ERMARD: variants seen among roughly 807,000 people sequenced by gnomAD.
The protein encoded by ERMARD is ER membrane associated RNA degradation.
ERMARD carries 71 observed loss-of-function variants against 83.9 expected under a neutral mutation model. That is an observed-to-expected ratio of 0.85 (90% confidence interval 0.70 to 1.03). The LOEUF (loss-of-function observed/expected upper bound fraction) is 1.03. Ranked by LOEUF, ERMARD falls within the 50% of genes least tolerant of loss-of-function variation. The probability of loss-of-function intolerance (pLI) is 0.00; values close to 1 mark genes in which losing one functional copy is unlikely to be tolerated. For synonymous variants in ERMARD, 284 were observed against 298.6 expected, an observed-to-expected ratio of 0.95 and a Z score of 0.50; for missense variants, 838 against 810.9, an observed-to-expected ratio of 1.03 and a Z score of -0.41.
Position 169,779,291 on chromosome 6 carries a change from C to T in ERMARD, c.1849C>T (p.Leu617=). The change falls in exon 17 of 18, where the codon CTA becomes TTA. Residue 617 remains leucine (L), a synonymous_variant. Transcript: ENST00000366773. ...GAATGCGCATGAGTATCAGCAGTAC[C>T]TAAAGTAAGTGTGTCACAGTATGTC... The part of the protein sequence containing the change: ...GKNAHEYQQY[L]KFVKSILQYT... 1.2e-6 allele frequency: 2 copies of T among 1,613,692 alleles called. No homozygotes were observed. Among genetic ancestry groups the T allele is most frequent in the Non-Finnish European group, 8.5e-7 (1 of 1,179,598 alleles).
At chr6:169,753,069 CAGG>C (rs1216183437) in intron 1 of ERMARD, 1 of 152,206 alleles carries the variant, frequency 6.6e-6, no homozygotes, top group African/African-American at 2.4e-5. Context: ...TGACAGGACA[CAGG>C]AGAGCAGTTT....
intron 2 of ERMARD, among the ~76,000 whole-genome samples, chr6:169,754,943 T>TA (rs563738801): frequency 1.3e-4 from 19 of 150,556 alleles, no homozygotes; most frequent in African/African-American, 2.7e-4. Context: ...CTGGTTTAAT[T>TA]AAAAAAAAAA....
At chr6:169,755,537 A>G in intron 3 of ERMARD, 115 bp downstream of exon 3, 2 of 1,357,614 alleles carry the variant, frequency 1.5e-6, no homozygotes, top group Non-Finnish European at 2.0e-6. Flanking sequence ...CCAGCGGTGA[A>G]GTGTTGAGGG....
intron 17 of ERMARD, among the ~76,000 whole-genome samples, chr6:169,779,818 T>A (rs1215773214): frequency 6.6e-6 from 1 of 152,176 alleles, no homozygotes; most frequent in Non-Finnish European, 1.5e-5. Context: ...ATTCGGGAAG[T>A]CCACTTTTAG....
intron 17 of ERMARD, among the ~76,000 whole-genome samples, chr6:169,781,004 A>G (rs1419030448): frequency 6.6e-6 from 1 of 152,144 alleles, no homozygotes; most frequent in East Asian, 1.9e-4. Context: ...TGTTTATTAT[A>G]TTATGTGTCA....
At chr6:169,753,739 C>G in intron 1 of ERMARD, 125 bp from the exon 2 acceptor site, 2 of 592,416 alleles carry the variant, frequency 3.4e-6, no homozygotes, top group Non-Finnish European at 5.4e-6. Context: ...CTCACGATAT[C>G]CAGAAAGCAT....
intron 9 of ERMARD, among the ~76,000 whole-genome samples, chr6:169,764,386 C>G (rs1238690464): frequency 1.3e-5 from 2 of 151,790 alleles, no homozygotes; most frequent in Non-Finnish European, 2.9e-5. Flanking sequence ...ACCTCCGCCC[C>G]CCGAGTAACT....
chr6:169,768,157 G>A lies in ERMARD; in HGVS notation c.1045G>A (p.Gly349Arg). The A allele has an allele frequency of 6.2e-7, 1 of 1,613,946 alleles. No individual in the cohort carries two copies. The highest frequency in any genetic ancestry group is 8.5e-7 in the Non-Finnish European group (1 of 1,179,906). ...AATCAATCAGCTTCCTCTTTTCCTT[G>A]GAGAGCCTGCTATGGTAAGTATTAG... ...GKINQLPLFLGEPAMEFLWDF... is the reference protein window; with the variant it reads ...GKINQLPLFLREPAMEFLWDF... Residue 349 changes from glycine to arginine, a missense_variant, in exon 11 of 18, where the codon GGA (glycine) becomes AGA (arginine). Transcript: ENST00000366773.
chr6:169,765,973 A>G (rs113423022), intron 9 of ERMARD, among the ~76,000 whole-genome samples: 7 of 87,886 alleles, frequency 8.0e-5, no homozygotes, highest in African/African-American at 4.1e-4. Flanking sequence ...CTGTCTGTCA[A>G]ATCTCACTGA....
rs1395583392 is a variant in ERMARD, at chr6:169,755,247, G to A, written c.176-36G>A. 12 of 1,607,402 alleles carry A rather than the reference G, an allele frequency of 7.5e-6. 1 individual carries two copies. The South Asian group carries it at 1.3e-4, about 18-fold the overall frequency. On this transcript the variant is annotated intron_variant, in intron 2 of 17. Transcript: ENST00000366773. Reference sequence around the variant, plus strand: ...GATATTTTATATCATGTGATATGGAGCTATGGTGCTGAAATTTGTTTTCTT... The same window carrying A: ...GATATTTTATATCATGTGATATGGAACTATGGTGCTGAAATTTGTTTTCTT...
At position 169,751,694 on chromosome 6, in the gene ERMARD, C is replaced by A; in HGVS notation, c.6+31C>A. On this transcript the variant is annotated intron_variant, in intron 1 of 17. Transcript: ENST00000366773. Reference sequence around the variant, plus strand: ...GCGGGTGTAGGGCCCGGTTCGATCCCGAGCTAGGCAGGGAGTCGGCGCCAG... The same window carrying A: ...GCGGGTGTAGGGCCCGGTTCGATCCAGAGCTAGGCAGGGAGTCGGCGCCAG... The A allele has an allele frequency of 3.2e-6, 5 of 1,540,578 alleles. No homozygotes were observed. In the South Asian group the frequency reaches 3.6e-5, roughly 11 times the overall value.
chr6:169,756,823 C>A lies in ERMARD; in HGVS notation c.507+15C>A. ...GTCAGTCTGTGGTAAGCTTGTTCAT[C>A]TAAACTCATGGAGTATATTAGTCCG... On this transcript the variant is annotated intron_variant, in intron 5 of 17. Transcript: ENST00000366773. The A allele has an allele frequency of 3.1e-6, 5 of 1,610,470 alleles. No homozygotes were observed. Among genetic ancestry groups the A allele is most frequent in the Non-Finnish European group, 2.5e-6 (3 of 1,177,074 alleles).
intron 12 of ERMARD, 153 bp from the exon 13 acceptor site, chr6:169,773,166 G>A: frequency 3.4e-6 from 2 of 588,756 alleles, no homozygotes; most frequent in South Asian, 5.0e-5. Context: ...GCCATGTCAA[G>A]CCTATTTTAA....
intron 16 of ERMARD, among the ~76,000 whole-genome samples, chr6:169,778,790 C>A (rs915521232): frequency 4.6e-5 from 7 of 152,256 alleles, no homozygotes; most frequent in South Asian, 2.1e-4. Flanking sequence ...GCTTTCCTAT[C>A]GAGGCCATTT....
Position 169,768,146 on chromosome 6 carries a change from C to G in ERMARD, c.1034C>G (p.Pro345Arg). Residue 345 changes from proline to arginine, a missense_variant, in exon 11 of 18, where the codon CCT (proline) becomes CGT (arginine). Transcript: ENST00000366773. ...AATGATGGTAAAATCAATCAGCTTC[C>G]TCTTTTCCTTGGAGAGCCTGCTATG... ...HLNDGKINQLPLFLGEPAMEF... is the reference protein window; with the variant it reads ...HLNDGKINQLRLFLGEPAMEF... The G allele has an allele frequency of 1.9e-6, 3 of 1,614,042 alleles. No homozygotes were observed. Among genetic ancestry groups the G allele is most frequent in the South Asian group, 1.1e-5 (1 of 91,076 alleles).
At position 169,762,178 on chromosome 6, in the gene ERMARD, T is replaced by A. The variant is rs895473392; in HGVS notation, c.858-251T>A. Among the ~76,000 whole-genome samples the A allele has an allele frequency of 5.9e-5, 9 of 152,294 alleles. 1 individual carries two copies. The highest frequency in any genetic ancestry group is 5.9e-4 in the Admixed American group (9 of 15,292). ...ATAGCTCACTGCAGCCTTGAACTCC[T>A]GGGTTCAAGCAATCCTCCCGCCTCA... is the stretch of plus-strand genomic sequence containing the variant. On this transcript the variant is annotated intron_variant, in intron 8 of 17. Coordinates refer to ENST00000366773, the MANE Select transcript of ERMARD (RefSeq NM_018341.3).
intron 10 of ERMARD, chr6:169,767,755 CTACA>C (rs1401772561): frequency 1.5e-5 from 3 of 202,312 alleles, no homozygotes; most frequent in East Asian, 1.3e-4. Context: ...GGCACATACA[CTACA>C]CACACACACA....
chr6:169,757,116 C>T (rs984897002), intron 5 of ERMARD, among the ~76,000 whole-genome samples: 50 of 152,306 alleles, frequency 3.3e-4, no homozygotes, highest in African/African-American at 1.2e-3. Flanking sequence ...CCCTGCGTCC[C>T]TCCCACAACA....
chr6:169,773,901 G>A (rs1251171464), intron 13 of ERMARD, among the ~76,000 whole-genome samples: 2 of 152,204 alleles, frequency 1.3e-5, no homozygotes, highest in Admixed American at 6.5e-5. Flanking sequence ...AGTGCAAGGG[G>A]ATGAAAGAGA....
Sources: allele counts gnomAD v4.1 joint callset (sites outside exome capture counted in the v4.1 genomes callset), GRCh38; gene constraint gnomAD v4.1.1; transcripts MANE v1.5; gene names NCBI Gene and HGNC (gene_info 2026-07-23, HGNC 2026-07-21).